Variants in MCM10 observed in about 807,000 individuals in gnomAD.
MCM10 encodes minichromosome maintenance 10 replication initiation factor.
In MCM10, 91 loss-of-function variants were observed where a neutral mutation model predicts 109.9. The observed-to-expected ratio is 0.83, with a 90% CI of 0.70 to 0.99. The LOEUF (loss-of-function observed/expected upper bound fraction) is 0.99, where lower values mean the gene tolerates loss of function less well. Among genes scored for constraint, MCM10 ranks in the 50% least tolerant of loss-of-function variants. The probability of loss-of-function intolerance (pLI) is 0.00; values close to 1 mark genes in which losing one functional copy is unlikely to be tolerated. For missense variants in MCM10, 1,077 were observed against 1,061.2 expected, an observed-to-expected ratio of 1.01 and a Z score of -0.21; for synonymous variants, 380 against 387.2, an observed-to-expected ratio of 0.98 and a Z score of 0.22.
intron 6 of MCM10, among the ~76,000 whole-genome samples, chr10:13,178,193 A>G (rs558053552): frequency 2.4e-4 from 37 of 152,258 alleles, no homozygotes; most frequent in African/African-American, 5.5e-4. Context: ...TCCCGAGTTC[A>G]AGTGATTCTC....
At chr10:13,191,431 C>T in intron 11 of MCM10, 32 bp downstream of exon 11, 1 of 1,569,164 alleles carries the variant, frequency 6.4e-7, no homozygotes, top group Non-Finnish European at 8.8e-7. Flanking sequence ...AAATTTCTTT[C>T]TCCAGTTTAA....
rs1332231070 is a variant in MCM10, at chr10:13,191,332, A to C, written c.1449A>C (p.Gln483His). The change falls in exon 11 of 20, where the codon CAA becomes CAC. Residue 483 changes from glutamine (Q) to histidine (H), a missense_variant. Coordinates refer to ENST00000378714, the MANE Select transcript of MCM10 (RefSeq NM_018518.5). The stretch of plus-strand genomic sequence containing the variant: ...CTGTGGCTCCTAAGAAGAAGATTCA[A>C]ACCACTCTGAGTAATCTGGTTGTTA... Reference protein sequence around the residue: ...AAAVAPKKKIQTTLSNLVVKG... With the variant: ...AAAVAPKKKIHTTLSNLVVKG... 2.5e-6 allele frequency: 4 copies of C among 1,614,008 alleles called. No individual in the cohort carries two copies. The highest frequency in any genetic ancestry group is 2.5e-6 in the Non-Finnish European group (3 of 1,179,934).
At position 13,182,999 on chromosome 10, in the gene MCM10, T is replaced by G. The variant is rs777378257; in HGVS notation, c.997T>G (p.Leu333Val). Residue 333 changes from leucine (L) to valine (V), a missense_variant, in exon 8 of 20, where the codon TTA (leucine) becomes GTA (valine). Coordinates refer to ENST00000378714, the MANE Select transcript of MCM10 (RefSeq NM_018518.5). The surrounding 1 kb of genome is among the most constrained non-coding windows in gnomAD (Gnocchi z 4.2). ...RDLTQCVSLFLFGEVHKALWK... is the reference protein window; with the variant it reads ...RDLTQCVSLFVFGEVHKALWK... ...CCTGACACAATGTGTGTCCTTGTTC[T>G]TATTTGGAGAAGTTCACAAAGCGCT... 6.2e-7 allele frequency: 1 copy of G among 1,614,174 alleles called. No homozygotes were observed. Among genetic ancestry groups the G allele is most frequent in the Non-Finnish European group, 8.5e-7 (1 of 1,180,012 alleles).
Position 13,204,291 on chromosome 10 carries a change from G to A in MCM10, c.2425G>A (p.Val809Met). The A allele has an allele frequency of 6.2e-7, 1 of 1,614,218 alleles. No homozygotes were observed. Among genetic ancestry groups the A allele is most frequent in the Non-Finnish European group, 8.5e-7 (1 of 1,180,040 alleles). ...EQHEYHWHDG[V>M]KRFFKCPCGN... is the part of the protein sequence containing the mutation. ...GCATGAATACCACTGGCATGATGGT[G>A]TGAAGAGGTTTTTCAAATGTCCCTG... is the stretch of plus-strand genomic sequence containing the variant. Residue 809 changes from valine (V) to methionine (M), a missense_variant, in exon 18 of 20, where the codon GTG becomes ATG. Physicochemically the swap from Val to Met is conservative, Grantham distance 21. Transcript: ENST00000378714.
At chr10:13,185,286 A>G (rs1834259942) in intron 8 of MCM10, among the ~76,000 whole-genome samples, 1 of 152,208 alleles carries the variant, frequency 6.6e-6, no homozygotes, top group African/African-American at 2.4e-5. Context: ...GTTGTAAGAG[A>G]TCTTGTCCTA....
In MCM10 at chr10:13,172,377, G is replaced by T. The variant is rs1484889218; in HGVS notation, c.351G>T (p.Glu117Asp). The T allele has an allele frequency of 1.9e-6, 3 of 1,605,684 alleles. No homozygotes were observed. The African/African-American group carries it at 4.0e-5, about 22-fold the overall frequency. ...AATTAACATATTTTCATTTCCTAGA[G>T]GAATTAAGGAATTTGCAAGAGCAAA... is the stretch of plus-strand genomic sequence containing the variant. ...RREKTNEELQ[E>D]ELRNLQEQMK... The change falls in exon 4 of 20, where the codon GAG becomes GAT. Residue 117 changes from glutamate (E) to aspartate (D), a missense_variant and splice_region_variant. Coordinates refer to ENST00000378714, the MANE Select transcript of MCM10 (RefSeq NM_018518.5). This position sits in a 1 kb window ranked among gnomAD's most constrained non-coding sequence, Gnocchi z 5.2.
chr10:13,192,189 G>A, intron 11 of MCM10, 66 bp from the exon 12 acceptor site: 1 of 968,860 alleles, frequency 1.0e-6, no homozygotes, highest in South Asian at 1.4e-5. Flanking sequence ...TTTAGAAAGT[G>A]GTATGTCATA....
rs1327702126 is a variant in MCM10 at position 13,209,563 on chromosome 10, T to G, written c.*253T>G. On this transcript the variant is annotated 3_prime_UTR_variant, in exon 20 of 20. Coordinates refer to ENST00000378714, the MANE Select transcript of MCM10 (RefSeq NM_018518.5). ...CAGTGTGGATGATTGCATTACTTCA[T>G]TCACTGAAGTTTTTGCCCAAAAATT... The G allele has an allele frequency of 1.9e-6, 1 of 514,662 alleles. No homozygotes were observed. The highest frequency in any genetic ancestry group is 1.9e-5 in the African/African-American group (1 of 52,240). The allele number at this position is 514,662 out of a possible 1,614,324, so 31.9% of individuals were successfully genotyped here. A position where few individuals can be genotyped will look rare whatever the true frequency, so the allele number is the denominator to read the frequency against.
intron 1 of MCM10, among the ~76,000 whole-genome samples, chr10:13,163,282 T>C (rs1423868615): frequency 6.6e-6 from 1 of 152,026 alleles, no homozygotes; most frequent in East Asian, 1.9e-4. Context: ...GAGGTTGTAG[T>C]GAGCCAATAG....
intron 13 of MCM10, among the ~76,000 whole-genome samples, chr10:13,192,879 C>T (rs1207759077): frequency 3.3e-5 from 5 of 151,028 alleles, no homozygotes; most frequent in Admixed American, 3.3e-4. Flanking sequence ...CTGTCATTTT[C>T]TCTCTCTCTC....
intron 9 of MCM10, among the ~76,000 whole-genome samples, chr10:13,186,985 CTG>C (rs1834283477): frequency 6.6e-6 from 1 of 152,154 alleles, no homozygotes; most frequent in Admixed American, 6.5e-5. Context: ...GAGTGAGATT[CTG>C]TCTCCAAAAA....
chr10:13,173,962 A>G (rs1834108384), intron 5 of MCM10, among the ~76,000 whole-genome samples: 1 of 152,104 alleles, frequency 6.6e-6, no homozygotes, highest in Admixed American at 6.6e-5. Context: ...CAAGCATCTG[A>G]CTTTCAGGAG....
At chr10:13,168,803 C>CTT (rs1186400900) in intron 2 of MCM10, among the ~76,000 whole-genome samples, 4 of 152,090 alleles carry the variant, frequency 2.6e-5, no homozygotes, top group African/African-American at 9.7e-5. Context: ...AGAAGTGGCC[C>CTT]TTGTGTACAG....
rs1834621765 is a variant in MCM10 at position 13,208,962 on chromosome 10, T to A, written c.2499-129T>A. On this transcript the variant is annotated intron_variant, in intron 18 of 19. Coordinates refer to ENST00000378714, the MANE Select transcript of MCM10 (RefSeq NM_018518.5). Reference sequence around the variant, plus strand: ...GCATAACCTCAGATTTGGCATACAATACGAATGTCACCTTGAACAGCTTCT... The same window carrying A: ...GCATAACCTCAGATTTGGCATACAAAACGAATGTCACCTTGAACAGCTTCT... 6.9e-6 allele frequency: 5 copies of A among 722,570 alleles called. No individual in the cohort carries two copies. In the Admixed American group the frequency reaches 1.1e-4, roughly 16 times the overall value. The allele number at this position is 722,570 out of a possible 1,614,324, so 44.8% of individuals were successfully genotyped here. A position where few individuals can be genotyped will look rare whatever the true frequency, so the allele number is the denominator to read the frequency against.
chr10:13,192,522 CGGATGTTGG>C lies in MCM10; in HGVS notation c.1700_1708del (p.Arg567_Glu570delinsGln). The C allele has an allele frequency of 6.2e-7, 1 of 1,614,066 alleles. No homozygotes were observed. The highest frequency in any genetic ancestry group is 8.5e-7 in the Non-Finnish European group (1 of 1,180,016). On this transcript the variant is annotated inframe_deletion, in exon 13 of 20. Coordinates refer to ENST00000378714, the MANE Select transcript of MCM10 (RefSeq NM_018518.5). ...AGCACTCTTGAAGCAACAGAAGCAG[CGGATGTTGG>C]AGATGAGGAGAAGGAAATCAGAAGA... is the stretch of plus-strand genomic sequence containing the variant.
chr10:13,177,090 C>T (rs1834151237), intron 6 of MCM10, among the ~76,000 whole-genome samples: 1 of 152,224 alleles, frequency 6.6e-6, no homozygotes, highest in Non-Finnish European at 1.5e-5. Context: ...CTGCCCCAGC[C>T]ATGGCCCACT....
chr10:13,170,463 T>C (rs959753228), intron 2 of MCM10, among the ~76,000 whole-genome samples: 1 of 152,188 alleles, frequency 6.6e-6, no homozygotes, highest in African/African-American at 2.4e-5. Context: ...CCCTTGTTGG[T>C]TGAATTTCAT....
intron 2 of MCM10, among the ~76,000 whole-genome samples, chr10:13,170,016 G>A (rs1296257965): frequency 6.6e-6 from 1 of 152,228 alleles, no homozygotes; most frequent in African/African-American, 2.4e-5. Context: ...AGAACTATAT[G>A]TTTTGATTTG....
rs541623659 is a variant in MCM10, at chr10:13,168,636, A to G, written c.8-2286A>G. Among the ~76,000 whole-genome samples the G allele has an allele frequency of 3.2e-4, 48 of 152,342 alleles. 1 individual carries two copies. The highest frequency in any genetic ancestry group is 1.1e-3 in the African/African-American group (46 of 41,580). On this transcript the variant is annotated intron_variant, in intron 2 of 19. Coordinates refer to ENST00000378714, the MANE Select transcript of MCM10 (RefSeq NM_018518.5). ...GAGCAAAGAAAATAGATAAATCAAGAAAGAAGAAATCCGATTGGCAAATAA... is the reference window on the plus strand; with the variant it reads ...GAGCAAAGAAAATAGATAAATCAAGGAAGAAGAAATCCGATTGGCAAATAA...
Sources: allele counts gnomAD v4.1 joint callset (sites outside exome capture counted in the v4.1 genomes callset), GRCh38; gene constraint gnomAD v4.1.1; non-coding constraint Gnocchi (gnomAD v3.1); transcripts MANE v1.5; gene names NCBI Gene and HGNC (gene_info 2026-07-23, HGNC 2026-07-21).